PCSK5: variants seen among roughly 807,000 people sequenced by gnomAD.
PCSK5 encodes prohormone convertase 5.
In PCSK5, 129 loss-of-function variants were observed where a neutral mutation model predicts 233.2. The ratio of observed to expected loss-of-function variants is 0.55; its 90% CI spans 0.48 to 0.64. The LOEUF is 0.64. Among genes scored for constraint, PCSK5 ranks in the 30% least tolerant of loss-of-function variants. The pLI, the probability that PCSK5 is intolerant of heterozygous loss-of-function variation, is 0.00. For synonymous variants in PCSK5, 825 were observed against 879.2 expected (o/e 0.94, Z 1.09); for missense variants, 2,076 against 2,430.1 (o/e 0.85, Z 3.06).
At chr9:76,351,628 A>AAGAGAGAGAAAGAAGAAAGAAAG (rs1683754310) in intron 36 of PCSK5, among the ~76,000 whole-genome samples, 1 of 146,390 alleles carries the variant, frequency 6.8e-6, no homozygotes, top group Non-Finnish European at 1.5e-5. Context: ...AAGAGAAAGA[A>AAGAGAGAGAAAGAAGAAAGAAAG]AGAGAGAGAA....
At chr9:75,979,894 T>C (rs1340421018) in intron 2 of PCSK5, among the ~76,000 whole-genome samples, 3 of 152,244 alleles carry the variant, frequency 2.0e-5, no homozygotes, top group Non-Finnish European at 4.4e-5. Flanking sequence ...GTCAGTTGGC[T>C]GTTTTGTTCA....
chr9:75,930,520 A>G (rs1359576052), intron 1 of PCSK5, among the ~76,000 whole-genome samples: 1 of 152,184 alleles, frequency 6.6e-6, no homozygotes, highest in East Asian at 1.9e-4. Context: ...TTTAAAAACT[A>G]TATTATGAAA....
intron 2 of PCSK5, among the ~76,000 whole-genome samples, chr9:75,975,328 T>G (rs1024712457): frequency 6.6e-6 from 1 of 151,982 alleles, no homozygotes; most frequent in Non-Finnish European, 1.5e-5. Context: ...GAAGAGTGTT[T>G]CTCTCCATAG....
intron 7 of PCSK5, among the ~76,000 whole-genome samples, chr9:76,072,321 A>G (rs1042566877): frequency 1.3e-5 from 2 of 152,162 alleles, no homozygotes; most frequent in Non-Finnish European, 1.5e-5. Flanking sequence ...CCTCTGTCCC[A>G]GGACAATATT....
At chr9:76,262,963 C>T (rs987259027) in intron 24 of PCSK5, among the ~76,000 whole-genome samples, 13 of 151,500 alleles carry the variant, frequency 8.6e-5, no homozygotes, top group South Asian at 2.1e-4. Context: ...AAAAATTGGG[C>T]GAAGGACATG....
At chr9:76,072,999 C>G (rs1342158605) in intron 7 of PCSK5, among the ~76,000 whole-genome samples, 1 of 152,186 alleles carries the variant, frequency 6.6e-6, no homozygotes, top group Non-Finnish European at 1.5e-5. Context: ...ATTGCGAGTT[C>G]CTAGAGAGCA....
At chr9:76,311,811 C>T (rs1471331780) in intron 30 of PCSK5, among the ~76,000 whole-genome samples, 2 of 152,322 alleles carry the variant, frequency 1.3e-5, no homozygotes, top group Admixed American at 6.5e-5. Context: ...TTCCTTAGCT[C>T]ATCCTCTCTG....
chr9:76,167,600 G>A (rs750087762), intron 12 of PCSK5, among the ~76,000 whole-genome samples: 8 of 152,104 alleles, frequency 5.3e-5, no homozygotes, highest in Non-Finnish European at 1.0e-4. Flanking sequence ...TTAGAATCCT[G>A]CTGGCATTTT....
rs1052350511 is a variant in PCSK5 at position 76,360,958 on chromosome 9, C to A, written c.*2036C>A. On this transcript the variant is annotated 3_prime_UTR_variant, in exon 38 of 38. Transcript: ENST00000674117. Reference sequence around the variant, plus strand: ...CAGGTGGTGGGTCAGATTTGGCCAACAGGCTGTACTTTGCTGACTTTATCT... The same window carrying A: ...CAGGTGGTGGGTCAGATTTGGCCAAAAGGCTGTACTTTGCTGACTTTATCT... The A allele has an allele frequency of 5.9e-5, 9 of 152,114 alleles. No individual in the cohort carries two copies. Among genetic ancestry groups the A allele is most frequent in the African/African-American group, 2.2e-4 (9 of 41,402 alleles). 9.4% of individuals were successfully genotyped at this position (152,114 alleles called of 1,614,324 possible). A position where few individuals can be genotyped will look rare whatever the true frequency, so the allele number is the denominator to read the frequency against.
intron 2 of PCSK5, among the ~76,000 whole-genome samples, chr9:75,980,747 A>AC (rs1826238872): frequency 1.2e-5 from 1 of 85,576 alleles, no homozygotes; most frequent in Non-Finnish European, 2.6e-5. Context: ...AAATTCTCTG[A>AC]TTTTTTTTTT....
chr9:76,336,087 A>T lies in PCSK5; in HGVS notation c.4749-2143A>T, dbSNP rs115322560. 5.1e-3 allele frequency among the ~76,000 whole-genome samples: 774 copies of T among 152,294 alleles called. 5 individuals are homozygous for T. The highest frequency in any genetic ancestry group is 0.017 in the Middle Eastern group (5 of 294). On this transcript the variant is annotated intron_variant, in intron 34 of 37. Coordinates refer to ENST00000674117, the MANE Select transcript of PCSK5 (RefSeq NM_001372043.1). ...GGCTTTGTCAACCATTCAGCTCATC[A>T]TCGCCTTGTCTCTTAGATACCTCAG...
intron 3 of PCSK5, among the ~76,000 whole-genome samples, chr9:76,004,897 T>G (rs1827411063): frequency 6.6e-6 from 1 of 152,166 alleles, no homozygotes; most frequent in South Asian, 2.1e-4. Flanking sequence ...TTTCTCTTGT[T>G]TAGGAGTGGT....
In PCSK5 at chr9:76,018,420, C is replaced by T. The variant is rs528183198; in HGVS notation, c.412-5318C>T. ...GACTTGAGTGGCAGGTGAGCATTAC[C>T]GCCTGAACTCCGCCTCCTGTCGAAT... On this transcript the variant is annotated intron_variant, in intron 3 of 37. Coordinates refer to ENST00000674117, the MANE Select transcript of PCSK5 (RefSeq NM_001372043.1). Among the ~76,000 whole-genome samples the T allele has an allele frequency of 1.5e-4, 23 of 151,532 alleles. No homozygotes were observed. In the South Asian group the frequency reaches 4.2e-3, roughly 27 times the overall value.
At chr9:76,015,923 T>C (rs1217947480) in intron 3 of PCSK5, among the ~76,000 whole-genome samples, 1 of 152,260 alleles carries the variant, frequency 6.6e-6, no homozygotes, top group Non-Finnish European at 1.5e-5. Flanking sequence ...GTAACTTGTA[T>C]TCTCCAGCTA....
intron 25 of PCSK5, among the ~76,000 whole-genome samples, chr9:76,292,843 G>A (rs974511795): frequency 2.0e-5 from 3 of 152,200 alleles, no homozygotes; most frequent in African/African-American, 7.2e-5. Context: ...ACTGTTGACC[G>A]TCCTAGAAGG....
chr9:75,892,672 G>A (rs1825665687), intron 1 of PCSK5, among the ~76,000 whole-genome samples: 1 of 152,170 alleles, frequency 6.6e-6, no homozygotes, highest in African/African-American at 2.4e-5. Flanking sequence ...GACACCCCCC[G>A]CCCCTCCTCC....
chr9:76,263,229 A>C (rs1253022880), intron 24 of PCSK5, among the ~76,000 whole-genome samples: 1 of 152,210 alleles, frequency 6.6e-6, no homozygotes, highest in African/African-American at 2.4e-5. Flanking sequence ...GCGATTCCTC[A>C]GGGATCTAGA....
intron 20 of PCSK5, among the ~76,000 whole-genome samples, chr9:76,215,843 G>A (rs11144798): frequency 0.07 from 10,680 of 152,198 alleles, 415 homozygotes; most frequent in African/African-American, 0.1. Context: ...AGAGGCTGAG[G>A]CAGGAGAATT....
chr9:75,962,034 T>C (rs1825376232), intron 2 of PCSK5, among the ~76,000 whole-genome samples: 1 of 152,108 alleles, frequency 6.6e-6, no homozygotes, highest in South Asian at 2.1e-4. Context: ...TGTGCGGGTA[T>C]GGAAAATAAA....
Sources: gnomAD v4.1 joint callset for allele counts (sites outside exome capture counted in the v4.1 genomes callset) on GRCh38, gnomAD v4.1.1 for gene constraint, MANE v1.5 for transcripts, NCBI Gene and HGNC (gene_info 2026-07-23, HGNC 2026-07-21) for gene names.